Variants in IQSEC2 observed in about 807,000 individuals in gnomAD.
IQSEC2 encodes the protein IQ motif and Sec7 domain ArfGEF 2.
Under a neutral mutation model 74.6 loss-of-function variants are expected in IQSEC2, and 6 were observed. That is an observed-to-expected ratio of 0.08 (90% CI 0.04 to 0.16). The LOEUF is 0.16. Ranked by LOEUF, IQSEC2 falls within the 10% of genes least tolerant of loss-of-function variation. The probability of loss-of-function intolerance (pLI) is 1.00; values close to 1 mark genes in which losing one functional copy is unlikely to be tolerated. For missense variants in IQSEC2, 734 were observed against 1,306.2 expected (o/e 0.56, Z 6.75); for synonymous variants, 494 against 544.5 (o/e 0.91, Z 1.29).
chrX:53,277,970 C>T (rs1234847027), intron 2 of IQSEC2, among the ~76,000 whole-genome samples: 1 of 105,781 alleles, frequency 9.5e-6, no homozygotes, highest in Non-Finnish European at 1.9e-5. Flanking sequence ...TGTGTCCAAC[C>T]AATATTTTCT....
At chrX:53,316,300 G>A (rs1556879062) in intron 1 of IQSEC2, among the ~76,000 whole-genome samples, 16 of 111,379 alleles carry the variant, frequency 1.4e-4, no homozygotes, top group Non-Finnish European at 3.0e-4. Context: ...CCTCCCACAC[G>A]AAGATAATGC....
chrX:53,281,570 C>CGAGA (rs782037698), intron 2 of IQSEC2: 29 of 1,136,164 alleles, frequency 2.6e-5, no homozygotes, highest in South Asian at 2.1e-5. Context: ...GCCGGTGTCT[C>CGAGA]CACCGTGTCA....
intron 2 of IQSEC2, among the ~76,000 whole-genome samples, chrX:53,276,114 A>T (rs1265581695): frequency 1.8e-5 from 2 of 112,152 alleles, no homozygotes; most frequent in Non-Finnish European, 3.8e-5. Flanking sequence ...AATTTTAATA[A>T]GGAATGCAAT....
intron 2 of IQSEC2, among the ~76,000 whole-genome samples, chrX:53,291,547 C>T (rs1450942417): frequency 9.0e-6 from 1 of 111,150 alleles, no homozygotes; most frequent in African/African-American, 3.3e-5. Context: ...CAGCATCGAT[C>T]ATGCCCTCTT....
chrX:53,292,395 C>T (rs1467989478), intron 1 of IQSEC2, among the ~76,000 whole-genome samples: 3 of 111,990 alleles, frequency 2.7e-5, no homozygotes, highest in African/African-American at 9.7e-5. Flanking sequence ...CCTCAGTCTC[C>T]CCGTTTGTGA....
At chrX:53,294,556 C>T (rs782729501) in intron 1 of IQSEC2, among the ~76,000 whole-genome samples, 5 of 112,030 alleles carry the variant, frequency 4.5e-5, no homozygotes, top group African/African-American at 9.7e-5. Flanking sequence ...AGTGTGAACT[C>T]GGACAAGTCA....
rs1214109386 is a variant in IQSEC2 at position 53,234,576 on chromosome X, C to T, written c.4110G>A (p.Leu1370=). ...GAGGGTGCTGGGGGGCAGGACTGTA[C>T]AGGGGCAGTGGGGATGTGGGCTGGT... is the stretch of plus-strand genomic sequence containing the variant. ...PLHQPTSPLP[L]YSPAPQHPPA... The change falls in exon 15 of 15, where the codon CTG becomes CTA. Residue 1370 remains leucine, a synonymous_variant. Coordinates refer to ENST00000642864, the MANE Select transcript of IQSEC2 (RefSeq NM_001111125.3). 2.7e-6 allele frequency: 3 copies of T among 1,121,586 alleles called. No individual in the cohort carries two copies. The highest frequency in any genetic ancestry group is 3.5e-6 in the Non-Finnish European group (3 of 849,198). The allele number at this position is 1,121,586 out of a possible 1,213,427, so 92.4% of individuals were successfully genotyped here.
intron 2 of IQSEC2, among the ~76,000 whole-genome samples, chrX:53,264,572 AC>A: frequency 9.2e-6 from 1 of 108,762 alleles, no homozygotes; most frequent in East Asian, 2.9e-4. Flanking sequence ...AGAGTAATGT[AC>A]CCACCATTCC....
intron 2 of IQSEC2, chrX:53,267,190 A>C: frequency 2.0e-6 from 2 of 993,975 alleles, no homozygotes; most frequent in Non-Finnish European, 2.6e-6. Context: ...TGGGACGAGA[A>C]TGGGGGTCAG....
chrX:53,231,301 G>C (rs1412535401), downstream of IQSEC2: 1 of 110,954 alleles, frequency 9.0e-6, no homozygotes, highest in East Asian at 2.8e-4. Flanking sequence ...ATGTTGGGGG[G>C]AGTATTGTGG....
chrX:53,242,653 C>G (rs782376744), intron 9 of IQSEC2, among the ~76,000 whole-genome samples: 1 of 111,739 alleles, frequency 8.9e-6, no homozygotes, highest in Admixed American at 9.4e-5. Flanking sequence ...TCTATGAATG[C>G]CCAGCACCAA....
chrX:53,234,959 G>A lies in IQSEC2; in HGVS notation c.3727C>T (p.His1243Tyr), dbSNP rs1050525102. 3 of 1,165,895 alleles carry A rather than the reference G, an allele frequency of 2.6e-6. No homozygotes were observed. The highest frequency in any genetic ancestry group is 3.4e-6 in the Non-Finnish European group (3 of 872,655). ...TGGCTATGGCCATGATGGTGGTGGT[G>A]GTGGTGGTGGTGCGTGGAAGAAGCA... ...SSASSTHHHH[H>Y]HHHHGHSHGG... Residue 1243 changes from histidine (H) to tyrosine (Y), a missense_variant, in exon 15 of 15, where the codon CAC (histidine) becomes TAC (tyrosine). This residue lies in a region of IQSEC2 where 249 missense variants were observed against 467.9 expected (regional missense o/e 0.53). Coordinates refer to ENST00000642864, the MANE Select transcript of IQSEC2 (RefSeq NM_001111125.3).
At position 53,234,270 on chromosome X, in the gene IQSEC2, G is replaced by A. The variant is rs797045631; in HGVS notation, c.4416C>T (p.Pro1472=). Reference sequence around the variant, plus strand: ...GCTTGGCCTTGGGGTTTGCACTGGGGGGGTTGGCTGTGCCAGGGGGCCCAG... The same window carrying A: ...GCTTGGCCTTGGGGTTTGCACTGGGAGGGTTGGCTGTGCCAGGGGGCCCAG... ...HASGPPGTAN[P]PSANPKAKPS... is the part of the protein sequence containing the mutation. Residue 1472 remains proline (P), a synonymous_variant, in exon 15 of 15, where the codon CCC becomes CCT. Coordinates refer to ENST00000642864, the MANE Select transcript of IQSEC2 (RefSeq NM_001111125.3). 9.3e-7 allele frequency: 1 copy of A among 1,075,856 alleles called. No individual in the cohort carries two copies. The highest frequency in any genetic ancestry group is 1.2e-6 in the Non-Finnish European group (1 of 823,385). 88.7% of individuals were successfully genotyped at this position (1,075,856 alleles called of 1,213,427 possible). A position where few individuals can be genotyped will look rare whatever the true frequency, so the allele number is the denominator to read the frequency against.
intron 2 of IQSEC2, among the ~76,000 whole-genome samples, chrX:53,271,384 C>G (rs904140355): frequency 2.0e-4 from 22 of 112,065 alleles, no homozygotes; most frequent in African/African-American, 6.5e-4. Flanking sequence ...ACTAAGGACT[C>G]TGGATGCTGG....
intron 1 of IQSEC2, among the ~76,000 whole-genome samples, chrX:53,292,820 C>T (rs1322579457): frequency 9.0e-6 from 1 of 111,128 alleles, no homozygotes; most frequent in Non-Finnish European, 1.9e-5. Context: ...TGTGTGTGTA[C>T]GGGAGGGAGG....
At chrX:53,228,299 GA>G (rs1287533317), downstream of IQSEC2, among the ~76,000 whole-genome samples, 1 of 112,040 alleles carries the variant, frequency 8.9e-6, no homozygotes, top group Non-Finnish European at 1.9e-5. Flanking sequence ...AGGTCTGTCT[GA>G]CTGCCGTACA....
At chrX:53,244,525 C>CAA (rs1190920344) in intron 8 of IQSEC2, among the ~76,000 whole-genome samples, 963 of 47,723 alleles carry the variant, frequency 0.02, 18 homozygotes, top group African/African-American at 0.054. Flanking sequence ...GACCCTGTCT[C>CAA]AAAAAAAAAA....
rs2074366750 is a variant in IQSEC2 at position 53,250,369 on chromosome X, C to T, written c.2207G>A (p.Arg736Gln). 8.3e-7 allele frequency: 1 copy of T among 1,211,714 alleles called. No individual in the cohort carries two copies. Among genetic ancestry groups the T allele is most frequent in the Non-Finnish European group, 1.1e-6 (1 of 895,235 alleles). ...ATGLCKQTYQ[R>Q]ETRHSWDSPA... The stretch of plus-strand genomic sequence containing the variant: ...CGAGTCCCAGCTATGCCTTGTCTCC[C>T]GCTGGTAAGTCTGCTTGCACAGGCC... Residue 736 changes from arginine (R) to glutamine (Q), a missense_variant, in exon 5 of 15, where the codon CGG becomes CAG. Coordinates refer to ENST00000642864, the MANE Select transcript of IQSEC2 (RefSeq NM_001111125.3).
chrX:53,289,018 C>T (rs782595851), intron 2 of IQSEC2, among the ~76,000 whole-genome samples: 1 of 109,667 alleles, frequency 9.1e-6, no homozygotes, highest in Admixed American at 9.7e-5. Context: ...TCCTCTGGCA[C>T]CCCATACTTT....
Sources: allele counts gnomAD v4.1 joint callset (sites outside exome capture counted in the v4.1 genomes callset), GRCh38; gene constraint gnomAD v4.1.1; regional missense constraint gnomAD v4.1.1; transcripts MANE v1.5; gene names NCBI Gene and HGNC (gene_info 2026-07-23, HGNC 2026-07-21).